Variants in FAM193A observed in about 807,000 individuals in gnomAD.
FAM193A encodes the protein family with sequence similarity 193 member A, also known as protein FAM193A.
In FAM193A, 22 loss-of-function variants were observed where a neutral mutation model predicts 126.5. The ratio of observed to expected loss-of-function variants is 0.17; its 90% CI spans 0.12 to 0.25. FAM193A has a LOEUF of 0.25. FAM193A is among the 10% of genes least tolerant of loss of function. FAM193A has a pLI of 1.00. For synonymous variants in FAM193A, 761 were observed against 646.8 expected (o/e 1.18, Z -2.68); for missense variants, 1,675 against 1,672.8 (o/e 1.00, Z -0.02).
intron 20 of FAM193A, among the ~76,000 whole-genome samples, chr4:2,729,511 C>T (rs1485043841): frequency 6.6e-6 from 1 of 152,210 alleles, no homozygotes; most frequent in East Asian, 1.9e-4. Context: ...TTTGTTTCTG[C>T]TCTAGAGCTT....
Position 2,706,629 on chromosome 4 carries a change from CT to C in FAM193A, c.4372+6086del, listed in dbSNP as rs552023237. On this transcript the variant is annotated intron_variant, in intron 19 of 20. Transcript: ENST00000637812. Reference sequence around the variant, plus strand: ...AGTAAATTTCAATATGCACTTGGGTCTGTTTCTGGAATTTCTCTTCCTTTCC... The same window carrying C: ...AGTAAATTTCAATATGCACTTGGGTCGTTTCTGGAATTTCTCTTCCTTTCC... 3.4e-3 allele frequency among the ~76,000 whole-genome samples: 511 copies of C among 151,842 alleles called. 5 individuals carry two copies. The highest frequency in any genetic ancestry group is 5.6e-3 in the Non-Finnish European group (383 of 67,946).
chr4:2,625,886 G>C (rs942608038), intron 3 of FAM193A, among the ~76,000 whole-genome samples: 32 of 152,030 alleles, frequency 2.1e-4, no homozygotes, highest in Non-Finnish European at 8.8e-5. Context: ...ACCATGTCGG[G>C]CTAATTTTTG....
chr4:2,569,506 C>G (rs1214161808), intron 1 of FAM193A, among the ~76,000 whole-genome samples: 12 of 151,960 alleles, frequency 7.9e-5, no homozygotes, highest in Non-Finnish European at 2.9e-5. Flanking sequence ...ATTATTAAAA[C>G]AAATTCTTTT....
chr4:2,630,555 C>G (rs1560498447), intron 4 of FAM193A, among the ~76,000 whole-genome samples: 1 of 152,204 alleles, frequency 6.6e-6, no homozygotes, highest in African/African-American at 2.4e-5. Context: ...CTGGGGCCAG[C>G]TGCTGAGAAG....
chr4:2,688,002 C>G (rs1715935798), intron 13 of FAM193A, among the ~76,000 whole-genome samples: 2 of 152,180 alleles, frequency 1.3e-5, no homozygotes, highest in African/African-American at 4.8e-5. Flanking sequence ...AAGAACCCTC[C>G]AGGGAACCCT....
Position 2,700,191 on chromosome 4 carries a change from T to C in FAM193A, c.4019T>C (p.Leu1340Pro). The C allele has an allele frequency of 1.2e-5, 19 of 1,613,662 alleles. No individual in the cohort carries two copies. The highest frequency in any genetic ancestry group is 1.6e-5 in the Non-Finnish European group (19 of 1,179,972). The change falls in exon 19 of 21, where the codon CTG becomes CCG. Residue 1340 changes from leucine to proline, a missense_variant. Physicochemically the swap from Leu to Pro is moderately conservative, Grantham distance 98. Transcript: ENST00000637812. ...AAAGAAGGAAATGGCAAGCAGAAGC[T>C]GAGGCAGACCAGCAAGGCCAGCAGC... is the stretch of plus-strand genomic sequence containing the variant. ...HHKEGNGKQK[L>P]RQTSKASSEP...
intron 1 of FAM193A, among the ~76,000 whole-genome samples, chr4:2,548,585 T>C (rs546798509): frequency 6.6e-6 from 1 of 151,786 alleles, no homozygotes; most frequent in African/African-American, 2.4e-5. Flanking sequence ...GCCTTCTGAG[T>C]AGCTGGAGTT....
intron 1 of FAM193A, among the ~76,000 whole-genome samples, chr4:2,591,241 A>G (rs540009342): frequency 6.6e-6 from 1 of 152,188 alleles, no homozygotes; most frequent in East Asian, 1.9e-4. Flanking sequence ...GGAAGAGATA[A>G]AGCCACATAG....
intron 2 of FAM193A, among the ~76,000 whole-genome samples, chr4:2,611,285 T>G (rs1257092920): frequency 6.6e-6 from 1 of 151,994 alleles, no homozygotes. Flanking sequence ...ATTTATTTAT[T>G]TGAGACAGAG....
intron 19 of FAM193A, chr4:2,708,122 G>A: frequency 2.3e-6 from 1 of 441,024 alleles, no homozygotes; most frequent in South Asian, 1.6e-5. Context: ...ATTGATTTTT[G>A]TTTGTTTGTT....
intron 1 of FAM193A, among the ~76,000 whole-genome samples, chr4:2,572,448 T>C (rs1739348342): frequency 6.6e-6 from 1 of 152,110 alleles, no homozygotes; most frequent in Non-Finnish European, 1.5e-5. Flanking sequence ...GGCCCCACAG[T>C]GCTCGCTGCA....
chr4:2,576,720 A>G (rs949456998), intron 1 of FAM193A, among the ~76,000 whole-genome samples: 11 of 152,200 alleles, frequency 7.2e-5, no homozygotes, highest in African/African-American at 9.7e-5. Flanking sequence ...ACACTGGCCA[A>G]TGCTTATCAG....
intron 2 of FAM193A, among the ~76,000 whole-genome samples, chr4:2,617,215 TGTATTGGTCAGAA>T (rs1294233001): frequency 8.1e-6 from 1 of 122,982 alleles, no homozygotes; most frequent in Admixed American, 7.8e-5. Context: ...TTTTGACCCA[TGTATTGGTCAGAA>T]GTATGTTTTT....
chr4:2,718,923 T>G (rs190885356), intron 20 of FAM193A, among the ~76,000 whole-genome samples: 1 of 152,122 alleles, frequency 6.6e-6, no homozygotes, highest in South Asian at 2.1e-4. Context: ...AAACAATAGC[T>G]GTAAGTCTCA....
intron 4 of FAM193A, among the ~76,000 whole-genome samples, chr4:2,627,576 T>C (rs1743098650): frequency 1.6e-5 from 1 of 64,192 alleles, no homozygotes; most frequent in South Asian, 6.4e-4. Context: ...TTTGGGAGGC[T>C]TTTTTTTTTT....
chr4:2,682,347 A>T (rs181731586), intron 13 of FAM193A, among the ~76,000 whole-genome samples: 1 of 152,108 alleles, frequency 6.6e-6, no homozygotes, highest in Admixed American at 6.5e-5. Context: ...TTTTATTTTT[A>T]GAGATGGACT....
intron 1 of FAM193A, among the ~76,000 whole-genome samples, chr4:2,563,972 T>G (rs1794452): frequency 0.99 from 150,082 of 152,304 alleles, 73,977 homozygotes; most frequent in Middle Eastern, 1. Flanking sequence ...CCTTTTTGAG[T>G]TTTCTTACTT....
intron 2 of FAM193A, among the ~76,000 whole-genome samples, chr4:2,597,340 G>A (rs937286438): frequency 6.6e-6 from 1 of 152,060 alleles, no homozygotes; most frequent in Admixed American, 6.6e-5. Context: ...TCTTTGTGTG[G>A]TTTTTTTGTT....
intron 6 of FAM193A, among the ~76,000 whole-genome samples, chr4:2,641,310 G>A (rs1047307846): frequency 2.0e-5 from 3 of 151,518 alleles, no homozygotes; most frequent in African/African-American, 7.3e-5. Context: ...GCCTCCCAAA[G>A]TGCTAGGATT....
Sources: gnomAD v4.1 joint callset for allele counts (sites outside exome capture counted in the v4.1 genomes callset) on GRCh38, gnomAD v4.1.1 for gene constraint, MANE v1.5 for transcripts, NCBI Gene and HGNC (gene_info 2026-07-23, HGNC 2026-07-21) for gene names.